Variants in PIAS1 observed in about 807,000 individuals in gnomAD.
PIAS1 encodes the protein E3 SUMO-protein ligase PIAS1.
A neutral mutation model predicts 71.3 loss-of-function variants in PIAS1; 6 were observed. That is an observed-to-expected ratio of 0.08 (90% confidence interval 0.05 to 0.17). The LOEUF (loss-of-function observed/expected upper bound fraction) is 0.17. PIAS1 is among the 10% of genes least tolerant of loss of function. The pLI is 1.00. For missense variants in PIAS1, 555 were observed against 793.6 expected, an observed-to-expected ratio of 0.70 and a Z score of 3.61; for synonymous variants, 303 against 292.9, an observed-to-expected ratio of 1.03 and a Z score of -0.35.
chr15:68,146,837 ATGTTTCCATT>A, intron 6 of PIAS1, 137 bp downstream of exon 6: 1 of 725,920 alleles, frequency 1.4e-6, no homozygotes, highest in Non-Finnish European at 2.3e-6. Context: ...AATTTTCAAC[ATGTTTCCATT>A]TGAAAAATGG....
At chr15:68,117,036 A>G (rs999958511) in intron 2 of PIAS1, among the ~76,000 whole-genome samples, 2 of 152,158 alleles carry the variant, frequency 1.3e-5, no homozygotes, top group African/African-American at 4.8e-5. Flanking sequence ...TGATGAGGAC[A>G]TTGAAAAACC....
chr15:68,095,308 T>C (rs1236630020), intron 2 of PIAS1, among the ~76,000 whole-genome samples: 5 of 152,074 alleles, frequency 3.3e-5, no homozygotes, highest in Non-Finnish European at 5.9e-5. Flanking sequence ...CGTGCTTCGC[T>C]CAGCCTCCTG....
At chr15:68,080,933 G>C (rs2092222885) in intron 1 of PIAS1, among the ~76,000 whole-genome samples, 1 of 152,124 alleles carries the variant, frequency 6.6e-6, no homozygotes, top group South Asian at 2.1e-4. Context: ...TAATTATGTT[G>C]TTCAACAAGA....
At chr15:68,088,176 G>GTGTATATATATATATT (rs150997979) in intron 2 of PIAS1, among the ~76,000 whole-genome samples, 5 of 73,008 alleles carry the variant, frequency 6.8e-5, no homozygotes, top group Non-Finnish European at 7.4e-5. Context: ...TTATGTGTGT[G>GTGTATATATATATATT]TATATATATA....
chr15:68,060,222 A>G (rs2091942905), intron 1 of PIAS1, among the ~76,000 whole-genome samples: 1 of 152,032 alleles, frequency 6.6e-6, no homozygotes, highest in African/African-American at 2.4e-5. Flanking sequence ...ACATATTGCA[A>G]GTTTTTGTAC....
chr15:68,182,697 G>A, intron 12 of PIAS1, among the ~76,000 whole-genome samples: 1 of 152,210 alleles, frequency 6.6e-6, no homozygotes. Context: ...TGGGATTACA[G>A]GCGTGAGCCA....
intron 7 of PIAS1, among the ~76,000 whole-genome samples, chr15:68,161,131 A>G (rs1490649722): frequency 1.3e-5 from 2 of 152,242 alleles, no homozygotes. Flanking sequence ...TGGTCAATAT[A>G]CAAAAACAAA....
At chr15:68,072,367 T>G (rs1320444162) in intron 1 of PIAS1, among the ~76,000 whole-genome samples, 1 of 114,768 alleles carries the variant, frequency 8.7e-6, no homozygotes, top group Non-Finnish European at 1.6e-5. Context: ...GCCACTGCAC[T>G]CCAGCCTGGG....
intron 2 of PIAS1, among the ~76,000 whole-genome samples, chr15:68,123,105 G>GA (rs1464618688): frequency 2.6e-5 from 4 of 151,808 alleles, no homozygotes; most frequent in Non-Finnish European, 4.4e-5. Flanking sequence ...AGGCTGGAAT[G>GA]CAGTGGTACA....
At chr15:68,093,962 A>G (rs1187445404) in intron 2 of PIAS1, among the ~76,000 whole-genome samples, 1 of 152,206 alleles carries the variant, frequency 6.6e-6, no homozygotes, top group African/African-American at 2.4e-5. Context: ...GAAGAATCTG[A>G]AACATTGAGA....
At chr15:68,131,416 TTTACTC>T (rs1250502136) in intron 2 of PIAS1, among the ~76,000 whole-genome samples, 5 of 152,160 alleles carry the variant, frequency 3.3e-5, no homozygotes, top group Non-Finnish European at 7.3e-5. Flanking sequence ...ACATTTGAAA[TTTACTC>T]TTAGCAATTT....
At chr15:68,159,975 A>ACCAGCAT (rs1567069734) in intron 7 of PIAS1, among the ~76,000 whole-genome samples, 5 of 152,146 alleles carry the variant, frequency 3.3e-5, no homozygotes. Context: ...CCACATCCTT[A>ACCAGCAT]CCAGCATATG....
intron 2 of PIAS1, among the ~76,000 whole-genome samples, chr15:68,108,883 A>C (rs908359954): frequency 5.3e-5 from 8 of 152,136 alleles, no homozygotes; most frequent in Admixed American, 4.6e-4. Context: ...TGCTTATCTG[A>C]GCCACCATTA....
intron 12 of PIAS1, 59 bp from the exon 13 acceptor site, chr15:68,183,571 C>A: frequency 1.4e-6 from 1 of 697,142 alleles, no homozygotes; most frequent in Non-Finnish European, 2.5e-6. Flanking sequence ...AGTATTGGGG[C>A]ATTTGGAAGA....
At chr15:68,075,078 CTTTTTTTTT>C (rs146114696) in intron 1 of PIAS1, among the ~76,000 whole-genome samples, 32 of 81,784 alleles carry the variant, frequency 3.9e-4, no homozygotes, top group African/African-American at 1.1e-3. Context: ...TTCTTTCTTT[CTTTTTTTTT>C]TTTTTTTTTT....
intron 7 of PIAS1, among the ~76,000 whole-genome samples, chr15:68,157,805 T>G (rs954890282): frequency 6.6e-6 from 1 of 152,122 alleles, no homozygotes; most frequent in Admixed American, 6.5e-5. Flanking sequence ...TCCCCTGCGT[T>G]TCAGACTTAT....
chr15:68,187,537 C>G lies in PIAS1; in HGVS notation c.1663-5C>G. On this transcript the variant is annotated splice_region_variant and splice_polypyrimidine_tract_variant and intron_variant, in intron 13 of 13. Transcript: ENST00000249636. The surrounding 1 kb of genome is among the most constrained non-coding windows in gnomAD (Gnocchi z 5.3). ...ATTTTTGTGTCTTTTGTTTCCCCTC[C>G]CTAGCATTACAACACCTCCTTGCTT... 2 of 1,611,448 alleles carry G rather than the reference C, an allele frequency of 1.2e-6. No individual in the cohort carries two copies. The highest frequency in any genetic ancestry group is 1.7e-6 in the Non-Finnish European group (2 of 1,177,866).
Position 68,151,055 on chromosome 15 carries a change from G to GTATAA in PIAS1, c.829-2520_829-2516dup, listed in dbSNP as rs10562601. 3.8e-4 allele frequency among the ~76,000 whole-genome samples: 57 copies of GTATAA among 151,456 alleles called. 2 individuals are homozygous for GTATAA. Among genetic ancestry groups the GTATAA allele is most frequent in the East Asian group, 2.9e-3 (15 of 5,170 alleles). On this transcript the variant is annotated intron_variant, in intron 6 of 13. Coordinates refer to ENST00000249636, the MANE Select transcript of PIAS1 (RefSeq NM_016166.3). ...GAAAAAGCAATAAACAAAACTATCA[G>GTATAA]TATAATATAATATAATATAGTATAA...
chr15:68,129,794 T>TACACACACACAC (rs67860159), intron 2 of PIAS1, among the ~76,000 whole-genome samples: 19 of 145,092 alleles, frequency 1.3e-4, no homozygotes, highest in African/African-American at 4.6e-4. Context: ...TAATTGTATT[T>TACACACACACAC]ACACACACAC....
Sources: allele counts gnomAD v4.1 joint callset (sites outside exome capture counted in the v4.1 genomes callset), GRCh38; gene constraint gnomAD v4.1.1; non-coding constraint Gnocchi (gnomAD v3.1); transcripts MANE v1.5; gene names NCBI Gene and HGNC (gene_info 2026-07-23, HGNC 2026-07-21).